The following CLVS2 variants were observed in gnomAD, a reference collection of about 807,000 sequenced individuals.
CLVS2 encodes clavesin 2, also known as clavesin-2.
CLVS2 carries 19 observed loss-of-function variants against 29.0 expected under a neutral mutation model. The ratio of observed to expected loss-of-function variants is 0.66; its 90% CI spans 0.46 to 0.96. The LOEUF (loss-of-function observed/expected upper bound fraction) is 0.96. Ranked by LOEUF, CLVS2 falls within the 40% of genes least tolerant of loss-of-function variation. The probability of loss-of-function intolerance (pLI) is 0.00; values close to 1 mark genes in which losing one functional copy is unlikely to be tolerated. For synonymous variants in CLVS2, 161 were observed against 151.3 expected (o/e 1.06, Z -0.47); for missense variants, 294 against 404.1 (o/e 0.73, Z 2.34).
rs1399435807 is a variant in CLVS2, at chr6:123,063,906, C to T, written c.*145C>T. 15 of 506,476 alleles carry T rather than the reference C, an allele frequency of 3.0e-5. No individual in the cohort carries two copies. The highest frequency in any genetic ancestry group is 5.2e-5 in the Non-Finnish European group (15 of 288,484). 31.4% of individuals were successfully genotyped at this position (506,476 alleles called of 1,614,324 possible). On this transcript the variant is annotated 3_prime_UTR_variant, in exon 6 of 6. Transcript: ENST00000275162. ...ATATATAACAAGGCATCAGGCTTTC[C>T]TTGGCCTGAACCATGGGGGCCCTGG...
At chr6:123,039,028 C>T (rs952813174) in intron 3 of CLVS2, among the ~76,000 whole-genome samples, 3 of 152,166 alleles carry the variant, frequency 2.0e-5, no homozygotes, top group African/African-American at 4.8e-5. Flanking sequence ...GCCAAACCCT[C>T]GCAGCACTGT....
At chr6:123,042,708 A>G (rs1331145955) in intron 3 of CLVS2, among the ~76,000 whole-genome samples, 1 of 152,134 alleles carries the variant, frequency 6.6e-6, no homozygotes, top group African/African-American at 2.4e-5. Context: ...TTTGGTAAAA[A>G]TCTTTGCTTT....
chr6:123,014,731 A>G (rs1007649797), intron 3 of CLVS2, among the ~76,000 whole-genome samples: 2 of 152,126 alleles, frequency 1.3e-5, no homozygotes, highest in Non-Finnish European at 2.9e-5. Flanking sequence ...GTGACTACAT[A>G]AACTGTGATG....
chr6:123,038,605 A>G (rs1348096037), intron 3 of CLVS2, among the ~76,000 whole-genome samples: 1 of 152,158 alleles, frequency 6.6e-6, no homozygotes, highest in African/African-American at 2.4e-5. Flanking sequence ...AAATTTAATC[A>G]GGTTAATATT....
At chr6:123,055,467 A>T (rs549201317) in intron 4 of CLVS2, among the ~76,000 whole-genome samples, 104 of 152,182 alleles carry the variant, frequency 6.8e-4, no homozygotes, top group Admixed American at 2.0e-3. Context: ...CACAACTAAC[A>T]CCAGGATGAT....
intron 4 of CLVS2, among the ~76,000 whole-genome samples, chr6:123,051,878 G>A (rs1332801593): frequency 6.6e-6 from 1 of 152,122 alleles, no homozygotes; most frequent in Non-Finnish European, 1.5e-5. Context: ...ATAGTAAAAT[G>A]TTAATAAATG....
rs1483383355 is a variant in CLVS2 at position 123,067,916 on chromosome 6, A to G, written c.*4155A>G. On this transcript the variant is annotated 3_prime_UTR_variant, in exon 6 of 6. Transcript: ENST00000275162. ...CCATATGCTACTGGAACTATTTGACATTATTTGCTACATGAAAAAAGGCAA... is the reference window on the plus strand; with the variant it reads ...CCATATGCTACTGGAACTATTTGACGTTATTTGCTACATGAAAAAAGGCAA... 1 of 151,756 alleles carries G rather than the reference A, an allele frequency of 6.6e-6. No individual in the cohort carries two copies. The highest frequency in any genetic ancestry group is 1.5e-5 in the Non-Finnish European group (1 of 67,726). 9.4% of individuals were successfully genotyped at this position (151,756 alleles called of 1,614,324 possible). A position where few individuals can be genotyped will look rare whatever the true frequency, so the allele number is the denominator to read the frequency against.
chr6:123,019,299 T>G (rs1185769679), intron 3 of CLVS2, among the ~76,000 whole-genome samples: 1 of 152,088 alleles, frequency 6.6e-6, no homozygotes, highest in African/African-American at 2.4e-5. Context: ...TAAAATAATT[T>G]TGATGATTCT....
Position 122,997,980 on chromosome 6 carries a change from C to T in CLVS2, c.203C>T (p.Ala68Val). 3 of 1,614,104 alleles carry T rather than the reference C, an allele frequency of 1.9e-6. No homozygotes were observed. The highest frequency in any genetic ancestry group is 2.5e-6 in the Non-Finnish European group (3 of 1,179,992). ...LRARKFHHFE[A>V]FRLLAQYFEY... ...GCTAGGAAGTTTCATCACTTTGAGG[C>T]CTTCCGCCTCCTGGCGCAGTACTTT... Residue 68 changes from alanine to valine, a missense_variant, in exon 2 of 6, where the codon GCC becomes GTC. By Grantham distance (64) the Ala-to-Val change is moderately conservative. Coordinates refer to ENST00000275162, the MANE Select transcript of CLVS2 (RefSeq NM_001010852.4).
At position 123,065,882 on chromosome 6, in the gene CLVS2, A is replaced by G. The variant is rs1292827626; in HGVS notation, c.*2121A>G. 2.6e-5 allele frequency: 4 copies of G among 151,646 alleles called. No homozygotes were observed. Among genetic ancestry groups the G allele is most frequent in the Non-Finnish European group, 4.4e-5 (3 of 67,728 alleles). The allele number at this position is 151,646 out of a possible 1,614,324, so 9.4% of individuals were successfully genotyped here. On this transcript the variant is annotated 3_prime_UTR_variant, in exon 6 of 6. Transcript: ENST00000275162. ...TGGCAGCTTCTTTCCCCTATCGTAA[A>G]GTTAGTGTCATATATAAAAATAACT...
At chr6:123,006,844 A>G (rs1774676251) in intron 2 of CLVS2, among the ~76,000 whole-genome samples, 1 of 152,198 alleles carries the variant, frequency 6.6e-6, no homozygotes, top group Non-Finnish European at 1.5e-5. Flanking sequence ...TGAGTGCATG[A>G]TTTGGTAACT....
At chr6:123,016,021 CTTTTTTTTTTTTTTT>C (rs58103603) in intron 3 of CLVS2, among the ~76,000 whole-genome samples, 3 of 50,822 alleles carry the variant, frequency 5.9e-5, no homozygotes, top group African/African-American at 2.4e-4. Context: ...CAACATCAGA[CTTTTTTTTTTTTTTT>C]TTTTTTTTTT....
chr6:123,051,707 CA>C (rs753505412), intron 4 of CLVS2, among the ~76,000 whole-genome samples: 2 of 152,118 alleles, frequency 1.3e-5, no homozygotes, highest in Non-Finnish European at 2.9e-5. Flanking sequence ...GATCACTTAG[CA>C]TAATCTCTTT....
rs549588267 is a variant in CLVS2, at chr6:123,018,998, G to A, written c.564+7839G>A. Among the ~76,000 whole-genome samples the A allele has an allele frequency of 3.3e-4, 50 of 152,146 alleles. 1 individual carries two copies. The highest frequency in any genetic ancestry group is 5.9e-4 in the Non-Finnish European group (40 of 67,976). On this transcript the variant is annotated intron_variant, in intron 3 of 5. Transcript: ENST00000275162. ...GCTGCTCCTTTTGATTCAGTGGCCC[G>A]TATTCCTTCCACCTTCTTGCGCTGC...
intron 4 of CLVS2, among the ~76,000 whole-genome samples, chr6:123,050,846 G>A (rs893030605): frequency 2.0e-5 from 3 of 152,060 alleles, no homozygotes; most frequent in Non-Finnish European, 4.4e-5. Flanking sequence ...GACTGAAGAG[G>A]ATCAATTCTG....
At chr6:123,002,422 T>C (rs756886736) in intron 2 of CLVS2, among the ~76,000 whole-genome samples, 3 of 152,132 alleles carry the variant, frequency 2.0e-5, no homozygotes, top group Non-Finnish European at 2.9e-5. Context: ...GTGGTTCAGT[T>C]TGAATTATGA....
At chr6:123,058,356 T>C (rs928447439) in intron 5 of CLVS2, among the ~76,000 whole-genome samples, 2 of 152,180 alleles carry the variant, frequency 1.3e-5, no homozygotes, top group Non-Finnish European at 2.9e-5. Flanking sequence ...GAGGCAGCTG[T>C]CATCGGTGTC....
Position 123,068,457 on chromosome 6 carries a change from G to C in CLVS2, c.*4696G>C, listed in dbSNP as rs890979504. 1.3e-5 allele frequency: 2 copies of C among 151,442 alleles called. No homozygotes were observed. Among genetic ancestry groups the C allele is most frequent in the African/African-American group, 4.8e-5 (2 of 41,302 alleles). The allele number at this position is 151,442 out of a possible 1,614,324, so 9.4% of individuals were successfully genotyped here. On this transcript the variant is annotated 3_prime_UTR_variant, in exon 6 of 6. Coordinates refer to ENST00000275162, the MANE Select transcript of CLVS2 (RefSeq NM_001010852.4). ...ATAAATTTTAACCACAGTTTTAAGGGTCACCCAATCCTCAACTACTTTAAA... is the reference window on the plus strand; with the variant it reads ...ATAAATTTTAACCACAGTTTTAAGGCTCACCCAATCCTCAACTACTTTAAA...
At chr6:123,020,367 A>T (rs1405347293) in intron 3 of CLVS2, among the ~76,000 whole-genome samples, 1 of 152,024 alleles carries the variant, frequency 6.6e-6, no homozygotes, top group African/African-American at 2.4e-5. Flanking sequence ...AGCACTTCAG[A>T]TTTTGAATTT....
Sources: gnomAD v4.1 joint callset for allele counts (sites outside exome capture counted in the v4.1 genomes callset) on GRCh38, gnomAD v4.1.1 for gene constraint, MANE v1.5 for transcripts, NCBI Gene and HGNC (gene_info 2026-07-23, HGNC 2026-07-21) for gene names.